The following XRN1 variants were observed in gnomAD, a reference collection of about 807,000 sequenced individuals.
XRN1 encodes 5'-3' exoribonuclease 1.
In XRN1, 67 loss-of-function variants were observed where a neutral mutation model predicts 222.3. The observed-to-expected ratio is 0.30, with a 90% CI of 0.25 to 0.37. The LOEUF is 0.37. Among genes scored for constraint, XRN1 ranks in the 10% least tolerant of loss-of-function variants. The pLI is 1.00. For synonymous variants in XRN1, 643 were observed against 652.4 expected (o/e 0.99, Z 0.22); for missense variants, 1,707 against 2,000.2 (o/e 0.85, Z 2.80).
intron 25 of XRN1, among the ~76,000 whole-genome samples, chr3:142,372,038 A>G (rs2067005590): frequency 6.6e-6 from 1 of 152,196 alleles, no homozygotes; most frequent in Admixed American, 6.5e-5. Flanking sequence ...GAAAAAGCTC[A>G]GGAATTATAG....
intron 32 of XRN1, among the ~76,000 whole-genome samples, chr3:142,354,055 A>G (rs2066390049): frequency 6.6e-6 from 1 of 152,202 alleles, no homozygotes; most frequent in Admixed American, 6.5e-5. Flanking sequence ...AATGGTACAG[A>G]GAAGATTAGC....
rs1356995156 is a variant in XRN1 at position 142,307,835 on chromosome 3, AC to A, written c.*3675del. The A allele has an allele frequency of 1.3e-5, 2 of 152,220 alleles. No homozygotes were observed. The highest frequency in any genetic ancestry group is 2.4e-5 in the African/African-American group (1 of 41,464). 9.4% of individuals were successfully genotyped at this position (152,220 alleles called of 1,614,324 possible). A position where few individuals can be genotyped will look rare whatever the true frequency, so the allele number is the denominator to read the frequency against. On this transcript the variant is annotated 3_prime_UTR_variant, in exon 41 of 41. Transcript: ENST00000392981. ...TATACTGAGCACTGCCAGTTTGAGT[AC>A]TATAATTTATCTCTAGAAAAATGAC...
At chr3:142,419,151 A>G (rs1054766175) in intron 10 of XRN1, among the ~76,000 whole-genome samples, 2 of 152,020 alleles carry the variant, frequency 1.3e-5, no homozygotes, top group Non-Finnish European at 2.9e-5. Context: ...GCCTCTACCA[A>G]CTTCCTGTGT....
At chr3:142,409,448 T>C (rs1397613587) in intron 15 of XRN1, among the ~76,000 whole-genome samples, 1 of 152,216 alleles carries the variant, frequency 6.6e-6, no homozygotes, top group East Asian at 1.9e-4. Flanking sequence ...CACTGAATGC[T>C]TTGGTGCCTT....
At chr3:142,435,760 C>A (rs1456904591) in intron 1 of XRN1, among the ~76,000 whole-genome samples, 7 of 116,894 alleles carry the variant, frequency 6.0e-5, no homozygotes, top group African/African-American at 2.8e-4. Context: ...GTCCCCACCC[C>A]CCAAAAAAAA....
rs150652732 is a variant in XRN1 at position 142,342,984 on chromosome 3, C to A, written c.3877+4250G>T. On this transcript the variant is annotated intron_variant, in intron 33 of 40. Coordinates refer to ENST00000392981, the MANE Select transcript of XRN1 (RefSeq NM_001282857.2). ...GGAAACAATCAACAACATGAAGAGA[C>A]AATACACAGAATGGGAAAAAATATT... is the stretch of plus-strand genomic sequence containing the variant. Among the ~76,000 whole-genome samples, 432 of 151,988 alleles carry A rather than the reference C, an allele frequency of 2.8e-3. 6 individuals are homozygous for A. The highest frequency in any genetic ancestry group is 9.8e-3 in the African/African-American group (406 of 41,448).
chr3:142,361,631 T>TC (rs1259157995), intron 29 of XRN1, among the ~76,000 whole-genome samples: 1 of 152,226 alleles, frequency 6.6e-6, no homozygotes, highest in Non-Finnish European at 1.5e-5. Flanking sequence ...ATTCAAGTCT[T>TC]TCTAGTCTGT....
intron 32 of XRN1, among the ~76,000 whole-genome samples, chr3:142,352,285 T>C (rs566266439): frequency 6.6e-6 from 1 of 152,336 alleles, no homozygotes; most frequent in Admixed American, 6.5e-5. Context: ...GTTTATACCC[T>C]GAAGCAGTGT....
At chr3:142,399,670 A>G (rs1243533962) in intron 19 of XRN1, among the ~76,000 whole-genome samples, 2 of 151,972 alleles carry the variant, frequency 1.3e-5, no homozygotes, top group Non-Finnish European at 2.9e-5. Context: ...CCAACAAAGG[A>G]AAAAAACCGT....
Position 142,332,524 on chromosome 3 carries a change from C to T in XRN1, c.4073G>A (p.Arg1358Gln), listed in dbSNP as rs770978242. 45 of 1,607,160 alleles carry T rather than the reference C, an allele frequency of 2.8e-5. No individual in the cohort carries two copies. In the East Asian group the frequency reaches 4.7e-4, roughly 17 times the overall value. ...AATTTTTAGAATTTCTTTAAGCATC[C>T]GTGTTCCCTTCTTTTTGAAAATGAT... ...SPQSFAMKGT[R>Q]MLKEILKIDG... The change falls in exon 36 of 41, where the codon CGG becomes CAG. Residue 1358 changes from arginine to glutamine, a missense_variant. By Grantham distance (43) the Arg-to-Gln change is conservative (BLOSUM62 1). Coordinates refer to ENST00000392981, the MANE Select transcript of XRN1 (RefSeq NM_001282857.2).
chr3:142,337,276 A>G (rs1005033787), intron 33 of XRN1, among the ~76,000 whole-genome samples: 24 of 152,220 alleles, frequency 1.6e-4, no homozygotes, highest in African/African-American at 5.3e-4. Context: ...CTGTCACTCT[A>G]TCCTCTTAAT....
At position 142,365,171 on chromosome 3, in the gene XRN1, T is replaced by C; in HGVS notation, c.3270A>G (p.Glu1090=). ...VKPHLLYRPL[E]QQHGVIPDRD... ...GATCAGGAATGACTCCATGTTGCTGTTCTAAAGGCTGAAGAGAAGAAAGCT... is the reference window on the plus strand; with the variant it reads ...GATCAGGAATGACTCCATGTTGCTGCTCTAAAGGCTGAAGAGAAGAAAGCT... The change falls in exon 29 of 41, where the codon GAA becomes GAG. Residue 1090 remains glutamate, a synonymous_variant. Coordinates refer to ENST00000392981, the MANE Select transcript of XRN1 (RefSeq NM_001282857.2). 6.2e-7 allele frequency: 1 copy of C among 1,608,630 alleles called. No individual in the cohort carries two copies. The highest frequency in any genetic ancestry group is 8.5e-7 in the Non-Finnish European group (1 of 1,178,152).
chr3:142,376,184 T>C (rs1326429530), intron 24 of XRN1: 2 of 708,138 alleles, frequency 2.8e-6, no homozygotes, highest in African/African-American at 3.7e-5. Context: ...TATGTAATTA[T>C]AGAGGAAAAT....
At chr3:142,424,831 A>G (rs1334975848) in intron 5 of XRN1, among the ~76,000 whole-genome samples, 1 of 145,260 alleles carries the variant, frequency 6.9e-6, no homozygotes, top group Non-Finnish European at 1.5e-5. Flanking sequence ...ATTTTTGTTT[A>G]TGCTTGAAAA....
chr3:142,331,498 ATAGTGCTGTT>A (rs1183103769), intron 36 of XRN1, among the ~76,000 whole-genome samples: 5 of 152,198 alleles, frequency 3.3e-5, no homozygotes, highest in Non-Finnish European at 7.3e-5. Context: ...TGTGTTGGAC[ATAGTGCTGTT>A]TTATATTTAT....
intron 33 of XRN1, among the ~76,000 whole-genome samples, chr3:142,336,957 T>TA (rs149400254): frequency 0.022 from 3,373 of 152,044 alleles, 54 homozygotes; most frequent in Middle Eastern, 0.038. Flanking sequence ...ATACTGGTAT[T>TA]AAAAAAAGGT....
intron 33 of XRN1, among the ~76,000 whole-genome samples, chr3:142,344,388 A>G (rs1041437572): frequency 6.6e-6 from 1 of 152,136 alleles, no homozygotes; most frequent in Non-Finnish European, 1.5e-5. Context: ...AAAATAAAAG[A>G]TAAAAAACAA....
chr3:142,363,769 G>A (rs1264363057), intron 29 of XRN1, among the ~76,000 whole-genome samples: 1 of 152,064 alleles, frequency 6.6e-6, no homozygotes, highest in Non-Finnish European at 1.5e-5. Context: ...TTTCTGGTTA[G>A]TCTAGAGCCT....
chr3:142,338,277 ACT>A (rs1485523312), intron 33 of XRN1, among the ~76,000 whole-genome samples: 1 of 152,112 alleles, frequency 6.6e-6, no homozygotes, highest in Non-Finnish European at 1.5e-5. Context: ...TTGGATACCA[ACT>A]CAGGCTTGTG....
Sources: allele counts gnomAD v4.1 joint callset (sites outside exome capture counted in the v4.1 genomes callset), GRCh38; gene constraint gnomAD v4.1.1; transcripts MANE v1.5; gene names NCBI Gene and HGNC (gene_info 2026-07-23, HGNC 2026-07-21).